PWWP2A: variants seen among roughly 807,000 people sequenced by gnomAD.
PWWP2A encodes the protein PWWP domain containing 2A.
Under a neutral mutation model 48.5 loss-of-function variants are expected in PWWP2A, and 18 were observed. The observed-to-expected ratio is 0.37, with a 90% CI of 0.26 to 0.55. PWWP2A has a LOEUF of 0.55. PWWP2A is among the 20% of genes least tolerant of loss of function. PWWP2A has a pLI of 0.81. For synonymous variants in PWWP2A, 396 were observed against 387.7 expected, an observed-to-expected ratio of 1.02 and a Z score of -0.25; for missense variants, 867 against 976.4, an observed-to-expected ratio of 0.89 and a Z score of 1.49.
At chr5:160,104,213 T>C (rs1019800740) in intron 1 of PWWP2A, among the ~76,000 whole-genome samples, 1 of 151,596 alleles carries the variant, frequency 6.6e-6, no homozygotes, top group Admixed American at 6.6e-5. Flanking sequence ...CCTAGCACTT[T>C]AGGAGGTTGA....
intron 2 of PWWP2A, among the ~76,000 whole-genome samples, chr5:160,085,618 T>G (rs542366215): frequency 2.6e-5 from 4 of 151,490 alleles, no homozygotes; most frequent in African/African-American, 9.7e-5. Flanking sequence ...GCAATTCTCT[T>G]GCCTCAGCCT....
At position 160,093,362 on chromosome 5, in the gene PWWP2A, C is replaced by T. The variant is rs866076102; in HGVS notation, c.1288G>A (p.Glu430Lys). 1.9e-6 allele frequency: 3 copies of T among 1,613,852 alleles called. No individual in the cohort carries two copies. The highest frequency in any genetic ancestry group is 1.3e-5 in the African/African-American group (1 of 75,048). Residue 430 changes from glutamate (E) to lysine (K), a missense_variant, in exon 2 of 2, where the codon GAA (glutamate) becomes AAA (lysine). Physicochemically the swap from Glu to Lys is moderately conservative, Grantham distance 56. This residue lies in a region of PWWP2A where 382 missense variants were observed against 407.2 expected (regional missense o/e 0.94). Transcript: ENST00000307063. The surrounding 1 kb of genome is among the most constrained non-coding windows in gnomAD (Gnocchi z 5.8). ...TTTTCTTTGGCAATTTTTAACACTT[C>T]CCGAGCTTTCGCATGATCCATGTTC... ...SKNMDHAKAR[E>K]VLKIAKEKAQ...
chr5:160,063,851 G>C (rs1753509437), intron 4 of PWWP2A, among the ~76,000 whole-genome samples: 1 of 151,080 alleles, frequency 6.6e-6, no homozygotes, highest in South Asian at 2.1e-4. Context: ...TGCGTTGCTC[G>C]GGCTGGTCTT....
chr5:160,045,508 ACACACATACACACTCTCTCTCT>A, the PWWP2A span, among the ~76,000 whole-genome samples: 5 of 75,880 alleles, frequency 6.6e-5, no homozygotes, highest in African/African-American at 2.9e-4. Flanking sequence ...ACACACACAC[ACACACATACACACTCTCTCTCT>A]CTCTCTCTCT....
intron 4 of PWWP2A, chr5:160,065,072 T>A (rs1753561535): frequency 6.2e-7 from 1 of 1,607,082 alleles, no homozygotes; most frequent in Non-Finnish European, 8.5e-7. Context: ...ATAACAAAGA[T>A]AACAAAAGCT....
chr5:160,048,246 G>T, the PWWP2A span, among the ~76,000 whole-genome samples: 2 of 145,732 alleles, frequency 1.4e-5, no homozygotes, highest in Non-Finnish European at 3.0e-5. Flanking sequence ...CCGCCTCCTG[G>T]GTTCAAGTGA....
At chr5:160,052,339 A>C in the PWWP2A span, among the ~76,000 whole-genome samples, 1 of 152,074 alleles carries the variant, frequency 6.6e-6, no homozygotes, top group Non-Finnish European at 1.5e-5. Context: ...CCCCATCTCC[A>C]CAAAAAATTA....
chr5:160,076,788 G>C (rs1481655624), exon 4 of PWWP2A: 1 of 152,098 alleles, frequency 6.6e-6, no homozygotes, highest in Admixed American at 6.5e-5. Context: ...CTGACCACTT[G>C]AGCCAAGTGC....
the PWWP2A span, among the ~76,000 whole-genome samples, chr5:160,050,782 C>A: frequency 1.3e-5 from 2 of 151,900 alleles, no homozygotes; most frequent in Non-Finnish European, 2.9e-5. Flanking sequence ...CATGCCAACA[C>A]ACCCAGCTAA....
Position 160,119,164 on chromosome 5 carries a change from C to A in PWWP2A, c.225G>T (p.Pro75=). ...EPPLPPPPPP[P]GELARSPEAV... ...CCTCTGGGCTGCGGGCGAGCTCCCC[C>A]GGCGGCGGCGGTGGCGGCGGGAGCG... is the stretch of plus-strand genomic sequence containing the variant. Residue 75 remains proline, a synonymous_variant, in exon 1 of 2, where the codon CCG becomes CCT. Transcript: ENST00000307063. 6.6e-7 allele frequency: 1 copy of A among 1,525,736 alleles called. No homozygotes were observed. The highest frequency in any genetic ancestry group is 2.6e-5 in the East Asian group (1 of 38,952). 94.5% of individuals were successfully genotyped at this position (1,525,736 alleles called of 1,614,324 possible). A position where few individuals can be genotyped will look rare whatever the true frequency, so the allele number is the denominator to read the frequency against.
downstream of PWWP2A, among the ~76,000 whole-genome samples, chr5:160,058,783 A>T (rs1474495187): frequency 6.6e-6 from 1 of 152,134 alleles, no homozygotes; most frequent in Non-Finnish European, 1.5e-5. Context: ...TGTAAAATGG[A>T]TGTTGTGTTA....
chr5:160,071,008 C>T (rs945466850), downstream of PWWP2A, among the ~76,000 whole-genome samples: 1 of 152,044 alleles, frequency 6.6e-6, no homozygotes, highest in African/African-American at 2.4e-5. Context: ...GGCAACATGG[C>T]GAAACCCTAT....
chr5:160,103,810 G>T (rs939878121), intron 1 of PWWP2A, among the ~76,000 whole-genome samples: 4 of 152,092 alleles, frequency 2.6e-5, no homozygotes, highest in African/African-American at 9.7e-5. Context: ...ATGATAGACG[G>T]AGAATAACCA....
downstream of PWWP2A, among the ~76,000 whole-genome samples, chr5:160,058,133 G>T (rs12522137): frequency 0.63 from 96,453 of 152,092 alleles, 30,644 homozygotes; most frequent in African/African-American, 0.68. Flanking sequence ...TCACCAGGAG[G>T]AGATTCCATC....
intron 1 of PWWP2A, among the ~76,000 whole-genome samples, chr5:160,108,200 C>T (rs986857716): frequency 6.6e-6 from 1 of 151,604 alleles, no homozygotes; most frequent in Admixed American, 6.6e-5. Context: ...CAGAGTGGCC[C>T]GGAGGATTCT....
At chr5:160,058,613 G>T (rs943647828), downstream of PWWP2A, among the ~76,000 whole-genome samples, 2 of 151,774 alleles carry the variant, frequency 1.3e-5, no homozygotes, top group African/African-American at 4.8e-5. Flanking sequence ...GGGTTTCACC[G>T]TGGTAGCCAG....
At chr5:160,101,763 C>A (rs995437130) in intron 1 of PWWP2A, among the ~76,000 whole-genome samples, 1 of 150,454 alleles carries the variant, frequency 6.6e-6, no homozygotes, top group Non-Finnish European at 1.5e-5. Flanking sequence ...CACTTGAGCC[C>A]GAGTTCGAGG....
the PWWP2A span, among the ~76,000 whole-genome samples, chr5:160,052,865 C>T: frequency 6.6e-6 from 1 of 152,174 alleles, no homozygotes. Flanking sequence ...TTCATTCCCT[C>T]GGTTGCTTCT....
Position 160,094,079 on chromosome 5 carries a change from GGAA to G in PWWP2A, c.585-17_585-15del, listed in dbSNP as rs1755365534. The G allele has an allele frequency of 6.4e-7, 1 of 1,552,184 alleles. No homozygotes were observed. The highest frequency in any genetic ancestry group is 1.4e-5 in the African/African-American group (1 of 72,158). On this transcript the variant is annotated splice_polypyrimidine_tract_variant and intron_variant, in intron 1 of 1. Transcript: ENST00000307063. ...TGGGGCCCAAACCTTTGAAAGAAATGGAAGAAAAAAAGAAGACATTAAGTTAAC... is the reference window on the plus strand; with the variant it reads ...TGGGGCCCAAACCTTTGAAAGAAATGGAAAAAAAGAAGACATTAAGTTAAC...
Sources: allele counts gnomAD v4.1 joint callset (sites outside exome capture counted in the v4.1 genomes callset), GRCh38; gene constraint gnomAD v4.1.1; regional missense constraint gnomAD v4.1.1; non-coding constraint Gnocchi (gnomAD v3.1); transcripts MANE v1.5; gene names NCBI Gene and HGNC (gene_info 2026-07-23, HGNC 2026-07-21).